Variants in RXFP2 observed in about 807,000 individuals in gnomAD.
RXFP2 encodes the protein relaxin family peptide receptor 2.
RXFP2 carries 68 observed loss-of-function variants against 88.6 expected under a neutral mutation model. That is an observed-to-expected ratio of 0.77 (90% CI 0.63 to 0.94). The LOEUF (loss-of-function observed/expected upper bound fraction) is 0.94. Ranked by LOEUF, RXFP2 falls within the 40% of genes least tolerant of loss-of-function variation. The pLI is 0.00. For missense variants in RXFP2, 791 were observed against 893.9 expected (o/e 0.88, Z 1.47); for synonymous variants, 329 against 306.8 (o/e 1.07, Z -0.76).
chr13:31,775,406 T>C lies in RXFP2; in HGVS notation c.641+17T>C. On this transcript the variant is annotated intron_variant, in intron 7 of 17. Coordinates refer to ENST00000298386, the MANE Select transcript of RXFP2 (RefSeq NM_130806.5). ...AACTTGGCTGTAAGTACTCTAATTC[T>C]TCTTTCTCCCATAGAGGATCATAGT... 6.4e-7 allele frequency: 1 copy of C among 1,552,724 alleles called. No individual in the cohort carries two copies. The highest frequency in any genetic ancestry group is 8.9e-7 in the Non-Finnish European group (1 of 1,124,060).
In RXFP2 at chr13:31,778,571, A is replaced by T; in HGVS notation, c.773A>T (p.Gln258Leu). Residue 258 changes from glutamine to leucine, a missense_variant, in exon 9 of 18, where the codon CAA becomes CTA. Transcript: ENST00000298386. ...LPKQMCAQMP[Q>L]LNWVDLEGNR... ...AAGCAGATGTGTGCCCAAATGCCTC[A>T]ACTCAACTGGGTGTGAGTATTTATT... 1 of 1,608,410 alleles carries T rather than the reference A, an allele frequency of 6.2e-7. No homozygotes were observed. Among genetic ancestry groups the T allele is most frequent in the South Asian group, 1.1e-5 (1 of 90,972 alleles).
At chr13:31,767,792 G>C (rs1168928730) in intron 5 of RXFP2, among the ~76,000 whole-genome samples, 1 of 152,168 alleles carries the variant, frequency 6.6e-6, no homozygotes, top group African/African-American at 2.4e-5. Context: ...AAGAGGGAAA[G>C]AAATAGTTCT....
intron 5 of RXFP2, among the ~76,000 whole-genome samples, chr13:31,773,475 A>G (rs1371812282): frequency 6.6e-6 from 1 of 151,108 alleles, no homozygotes; most frequent in African/African-American, 2.4e-5. Context: ...TCTTTTTTTA[A>G]TTGAAGTTAA....
At chr13:31,781,244 C>T (rs889728947) in intron 9 of RXFP2, among the ~76,000 whole-genome samples, 1 of 152,164 alleles carries the variant, frequency 6.6e-6, no homozygotes, top group Non-Finnish European at 1.5e-5. Flanking sequence ...CTACCACTTA[C>T]TAGCTGTGTG....
At chr13:31,796,099 GAGTGC>G (rs1470057450) in intron 16 of RXFP2, among the ~76,000 whole-genome samples, 2 of 128,900 alleles carry the variant, frequency 1.6e-5, no homozygotes, top group African/African-American at 3.0e-5. Flanking sequence ...GCCCAGGCTG[GAGTGC>G]AGTGGCGCAA....
intron 1 of RXFP2, among the ~76,000 whole-genome samples, chr13:31,747,988 A>G (rs1490009198): frequency 6.6e-6 from 1 of 152,216 alleles, no homozygotes; most frequent in Non-Finnish European, 1.5e-5. Context: ...CTAACTGAAT[A>G]CAAGATAATT....
rs73163339 is a variant in RXFP2, at chr13:31,791,578, T to C, written c.1146-228T>C. On this transcript the variant is annotated intron_variant, in intron 14 of 17. Coordinates refer to ENST00000298386, the MANE Select transcript of RXFP2 (RefSeq NM_130806.5). ...CAAATTTTCATGTCCTCCCAAACTC[T>C]CCTCATCCAAGTTACTGAATTCCTA... Among the ~76,000 whole-genome samples, 1,359 of 152,316 alleles carry C rather than the reference T, an allele frequency of 8.9e-3. 10 individuals are homozygous for C. The highest frequency in any genetic ancestry group is 0.015 in the Non-Finnish European group (1,006 of 68,034).
At chr13:31,784,115 C>T (rs1184762559) in intron 11 of RXFP2, among the ~76,000 whole-genome samples, 1 of 151,676 alleles carries the variant, frequency 6.6e-6, no homozygotes, top group Non-Finnish European at 1.5e-5. Flanking sequence ...GTGTGAGCCA[C>T]CACGCCCAAC....
chr13:31,786,393 A>G lies in RXFP2; in HGVS notation c.940A>G (p.Ser314Gly). The change falls in exon 12 of 18, where the codon AGC (serine) becomes GGC (glycine). Residue 314 changes from serine (S) to glycine (G), a missense_variant. By Grantham distance (56) the Ser-to-Gly change is moderately conservative. Transcript: ENST00000298386. ...LKNLGELDLS[S>G]NTITELSPHL... is the part of the protein sequence containing the mutation. ...CATTGTCGTCAACAGGGATCTGTCT[A>G]GCAATACGATAACGGAACTATCACC... 1 of 1,606,048 alleles carries G rather than the reference A, an allele frequency of 6.2e-7. No individual in the cohort carries two copies. The highest frequency in any genetic ancestry group is 8.5e-7 in the Non-Finnish European group (1 of 1,172,664).
chr13:31,748,155 T>A (rs1328086492), intron 1 of RXFP2, among the ~76,000 whole-genome samples: 2 of 152,238 alleles, frequency 1.3e-5, no homozygotes, highest in Non-Finnish European at 2.9e-5. Context: ...GGATTATTTC[T>A]GGCTTGGGGC....
At chr13:31,747,009 T>C (rs1411222147) in intron 1 of RXFP2, among the ~76,000 whole-genome samples, 2 of 152,192 alleles carry the variant, frequency 1.3e-5, no homozygotes, top group African/African-American at 4.8e-5. Flanking sequence ...TGTTCCCTTA[T>C]TTGAAGCCAT....
chr13:31,787,579 T>G (rs1202908332), intron 13 of RXFP2, among the ~76,000 whole-genome samples: 1 of 152,206 alleles, frequency 6.6e-6, no homozygotes, highest in African/African-American at 2.4e-5. Context: ...AAGTAGTAAT[T>G]ATTTATTACA....
At chr13:31,769,834 T>C (rs1872673110) in intron 5 of RXFP2, among the ~76,000 whole-genome samples, 1 of 152,144 alleles carries the variant, frequency 6.6e-6, no homozygotes, top group African/African-American at 2.4e-5. Flanking sequence ...CCTGTTAGAG[T>C]CAGCTTTTCT....
intron 17 of RXFP2, 106 bp from the exon 18 acceptor site, chr13:31,802,040 G>A (rs1874369311): frequency 1.8e-6 from 2 of 1,133,972 alleles, no homozygotes; most frequent in African/African-American, 3.1e-5. Context: ...AACTTAAAAT[G>A]TACTATGTCT....
At chr13:31,779,374 C>T (rs1390245338) in intron 9 of RXFP2, among the ~76,000 whole-genome samples, 1 of 152,104 alleles carries the variant, frequency 6.6e-6, no homozygotes, top group Non-Finnish European at 1.5e-5. Context: ...GATCCACCCT[C>T]CTCAGTGCTT....
intron 2 of RXFP2, 142 bp downstream of exon 2, chr13:31,758,546 C>T: frequency 1.1e-6 from 1 of 899,602 alleles, no homozygotes; most frequent in East Asian, 2.5e-5. Flanking sequence ...CAAATAATGA[C>T]TCCCCAATGT....
rs972694836 is a variant in RXFP2, at chr13:31,789,179, G to A, written c.1131G>A (p.Lys377=). ...ACACACGAATGTTTCAACCCATGAA[G>A]AATCTTTCTCACATGTACGTATGTA... ...NINTRMFQPM[K]NLSHIYFKNF... The change falls in exon 14 of 18, where the codon AAG becomes AAA. Residue 377 remains lysine (K), a synonymous_variant. Coordinates refer to ENST00000298386, the MANE Select transcript of RXFP2 (RefSeq NM_130806.5). 3.7e-6 allele frequency: 6 copies of A among 1,603,740 alleles called. No homozygotes were observed. Among genetic ancestry groups the A allele is most frequent in the African/African-American group, 2.7e-5 (2 of 74,738 alleles).
Position 31,789,212 on chromosome 13 carries a change from T to TG in RXFP2, c.1145+21dup. ...CTCACATGTACGTATGTATAAAAAATGGAGGAGGAAGCATGGTAAAATGCT... is the reference window on the plus strand; with the variant it reads ...CTCACATGTACGTATGTATAAAAAATGGGAGGAGGAAGCATGGTAAAATGCT... On this transcript the variant is annotated intron_variant, in intron 14 of 17. Coordinates refer to ENST00000298386, the MANE Select transcript of RXFP2 (RefSeq NM_130806.5). 6.7e-7 allele frequency: 1 copy of TG among 1,494,230 alleles called. No individual in the cohort carries two copies. Among genetic ancestry groups the TG allele is most frequent in the Non-Finnish European group, 9.3e-7 (1 of 1,073,138 alleles). The allele number at this position is 1,494,230 out of a possible 1,614,324, so 92.6% of individuals were successfully genotyped here. A position where few individuals can be genotyped will look rare whatever the true frequency, so the allele number is the denominator to read the frequency against.
At chr13:31,787,916 T>C (rs1223981952) in intron 13 of RXFP2, among the ~76,000 whole-genome samples, 1 of 152,194 alleles carries the variant, frequency 6.6e-6, no homozygotes, top group Non-Finnish European at 1.5e-5. Flanking sequence ...GCTAGGATTA[T>C]AGGCGTGAGC....
Sources: gnomAD v4.1 joint callset for allele counts (sites outside exome capture counted in the v4.1 genomes callset) on GRCh38, gnomAD v4.1.1 for gene constraint, MANE v1.5 for transcripts, NCBI Gene and HGNC (gene_info 2026-07-23, HGNC 2026-07-21) for gene names.